EXTL3: variants seen among roughly 807,000 people sequenced by gnomAD.
The protein encoded by EXTL3 is exostosin-like 3.
Under a neutral mutation model 69.3 loss-of-function variants are expected in EXTL3, and 27 were observed. The ratio of observed to expected loss-of-function variants is 0.39; its 90% confidence interval spans 0.29 to 0.54. The LOEUF is 0.54. Ranked by LOEUF, EXTL3 falls within the 20% of genes least tolerant of loss-of-function variation. The pLI, the probability that EXTL3 is intolerant of heterozygous loss-of-function variation, is 0.69. For missense variants in EXTL3, 1,003 were observed against 1,231.8 expected, an observed-to-expected ratio of 0.81 and a Z score of 2.78; for synonymous variants, 511 against 499.4, an observed-to-expected ratio of 1.02 and a Z score of -0.31.
intron 1 of EXTL3, among the ~76,000 whole-genome samples, chr8:28,704,867 A>C (rs1242395075): frequency 6.6e-6 from 1 of 152,088 alleles, no homozygotes; most frequent in Non-Finnish European, 1.5e-5. Flanking sequence ...ACTGGGTTTC[A>C]CCAAGTTGGC....
At chr8:28,639,216 G>A (rs567091226) in intron 1 of EXTL3, among the ~76,000 whole-genome samples, 16 of 152,184 alleles carry the variant, frequency 1.1e-4, no homozygotes, top group African/African-American at 3.4e-4. Flanking sequence ...GATTACAGGC[G>A]TGAGCCACCG....
intron 2 of EXTL3, among the ~76,000 whole-genome samples, chr8:28,608,107 C>G (rs1806222849): frequency 6.8e-6 from 1 of 146,098 alleles, no homozygotes; most frequent in Non-Finnish European, 1.5e-5. Context: ...GAGACACCAT[C>G]TCAAAAAAAA....
intron 5 of EXTL3, chr8:28,742,510 C>T (rs1206758630): frequency 5.7e-6 from 1 of 174,448 alleles, no homozygotes; most frequent in Non-Finnish European, 1.2e-5. Context: ...GGGACTAGCA[C>T]ATGGGGAAGA....
At chr8:28,679,050 A>G (rs1027951423) in intron 1 of EXTL3, among the ~76,000 whole-genome samples, 1 of 152,362 alleles carries the variant, frequency 6.6e-6, no homozygotes, top group South Asian at 2.1e-4. Flanking sequence ...TGCCTGCAGA[A>G]GGTTCTGTAA....
chr8:28,612,613 ATTCTT>A (rs1256468861), intron 2 of EXTL3, among the ~76,000 whole-genome samples: 5 of 152,202 alleles, frequency 3.3e-5, no homozygotes, highest in Non-Finnish European at 7.3e-5. Flanking sequence ...CCCAGGGTGA[ATTCTT>A]ATCATGAACA....
Position 28,716,988 on chromosome 8 carries a change from C to G in EXTL3, c.929C>G (p.Pro310Arg). ...QSTFYTVQYRPGFDLVVSPLV... is the reference protein window; with the variant it reads ...QSTFYTVQYRRGFDLVVSPLV... ...ACCTTCTACACTGTCCAGTACAGAC[C>G]TGGCTTTGACTTGGTCGTATCACCG... is the stretch of plus-strand genomic sequence containing the variant. Residue 310 changes from proline (P) to arginine (R), a missense_variant, in exon 3 of 7, where the codon CCT (proline) becomes CGT (arginine). This residue lies in a region of EXTL3 where 742 missense variants were observed against 815.4 expected (regional missense o/e 0.91). Transcript: ENST00000220562. The surrounding 1 kb of genome is among the most constrained non-coding windows in gnomAD (Gnocchi z 7.1). 1 of 1,614,226 alleles carries G rather than the reference C, an allele frequency of 6.2e-7. No individual in the cohort carries two copies. The highest frequency in any genetic ancestry group is 8.5e-7 in the Non-Finnish European group (1 of 1,180,034).
At chr8:28,701,458 C>G (rs1800789444), upstream of EXTL3, 1 of 151,944 alleles carries the variant, frequency 6.6e-6, no homozygotes, top group Non-Finnish European at 1.5e-5. Context: ...CGCTCGCGAA[C>G]GCCGGCTTCG....
In EXTL3 at chr8:28,749,231, A is replaced by G. The variant is rs181858185; in HGVS notation, c.2551-1426A>G. ...TATAGTTCTCCAAGGATTTCAAATA[A>G]TAAAGCCATTAGATAGACTATAAAA... is the stretch of plus-strand genomic sequence containing the variant. On this transcript the variant is annotated intron_variant, in intron 6 of 6. Coordinates refer to ENST00000220562, the MANE Select transcript of EXTL3 (RefSeq NM_001440.4). 9.5e-4 allele frequency among the ~76,000 whole-genome samples: 145 copies of G among 152,330 alleles called. 2 individuals carry two copies. Among genetic ancestry groups the G allele is most frequent in the Admixed American group, 9.4e-3 (144 of 15,302 alleles).
intron 5 of EXTL3, among the ~76,000 whole-genome samples, chr8:28,737,973 C>A (rs1261893726): frequency 6.6e-6 from 1 of 152,144 alleles, no homozygotes; most frequent in African/African-American, 2.4e-5. Flanking sequence ...AAATACCTTC[C>A]AGTTTTAACA....
chr8:28,732,923 G>T (rs761791286), intron 4 of EXTL3, among the ~76,000 whole-genome samples: 2 of 152,082 alleles, frequency 1.3e-5, no homozygotes, highest in Non-Finnish European at 2.9e-5. Flanking sequence ...GTAGAGATGG[G>T]GTTTCACCAT....
chr8:28,614,028 C>T (rs1806301775), intron 2 of EXTL3, among the ~76,000 whole-genome samples: 1 of 151,512 alleles, frequency 6.6e-6, no homozygotes, highest in East Asian at 1.9e-4. Context: ...TCTCATGAAA[C>T]GTCATGAGCC....
At chr8:28,659,906 GT>G (rs1232375211) in intron 1 of EXTL3, among the ~76,000 whole-genome samples, 1 of 152,120 alleles carries the variant, frequency 6.6e-6, no homozygotes, top group Non-Finnish European at 1.5e-5. Context: ...GGGTCCAGGG[GT>G]TTTCACACTC....
At chr8:28,703,249 C>T (rs1800849919) in intron 1 of EXTL3, among the ~76,000 whole-genome samples, 1 of 152,116 alleles carries the variant, frequency 6.6e-6, no homozygotes, top group Admixed American at 6.5e-5. Context: ...GCATACCTAC[C>T]TAAAAAATGA....
At chr8:28,672,423 G>C (rs896185858) in intron 1 of EXTL3, among the ~76,000 whole-genome samples, 10 of 141,964 alleles carry the variant, frequency 7.0e-5, no homozygotes, top group South Asian at 2.6e-4. Context: ...TTCTCGGGGT[G>C]GGGGGGCGGG....
intron 3 of EXTL3, among the ~76,000 whole-genome samples, chr8:28,721,310 G>A (rs774457570): frequency 6.6e-6 from 1 of 152,216 alleles, no homozygotes; most frequent in Non-Finnish European, 1.5e-5. Flanking sequence ...GTGGGCCAGA[G>A]ACAGAGCAGT....
At chr8:28,748,625 A>C (rs1236583230) in intron 6 of EXTL3, among the ~76,000 whole-genome samples, 1 of 152,172 alleles carries the variant, frequency 6.6e-6, no homozygotes, top group Non-Finnish European at 1.5e-5. Context: ...TTTATCACTC[A>C]TGTGAAGGAG....
intron 1 of EXTL3, among the ~76,000 whole-genome samples, chr8:28,654,155 G>A (rs1343392526): frequency 6.6e-6 from 1 of 152,230 alleles, no homozygotes; most frequent in Non-Finnish European, 1.5e-5. Context: ...TAGAATATAA[G>A]AGGGTCTTTC....
intron 1 of EXTL3, among the ~76,000 whole-genome samples, chr8:28,650,510 A>G (rs1806902283): frequency 6.6e-6 from 1 of 151,886 alleles, no homozygotes; most frequent in Admixed American, 6.6e-5. Flanking sequence ...GGTACGCGCC[A>G]CCATACCTGG....
In EXTL3 at chr8:28,701,526, G is replaced by A; in HGVS notation, c.-703G>A. On this transcript the variant is annotated 5_prime_UTR_variant, in exon 1 of 7. Coordinates refer to ENST00000220562, the MANE Select transcript of EXTL3 (RefSeq NM_001440.4). ...CCGCAGTCGCCTGTCGGAAATGGCT[G>A]CCGGCCGGCAGGGGGAGCGGCGGAT... 1 of 152,756 alleles carries A rather than the reference G, an allele frequency of 6.5e-6. No homozygotes were observed. The highest frequency in any genetic ancestry group is 1.8e-4 in the South Asian group (1 of 5,652). The allele number at this position is 152,756 out of a possible 1,614,324, so 9.5% of individuals were successfully genotyped here.
Sources: gnomAD v4.1 joint callset for allele counts (sites outside exome capture counted in the v4.1 genomes callset) on GRCh38, gnomAD v4.1.1 for gene constraint, gnomAD v4.1.1 regional missense constraint, Gnocchi (gnomAD v3.1) non-coding constraint, MANE v1.5 for transcripts, NCBI Gene and HGNC (gene_info 2026-07-23, HGNC 2026-07-21) for gene names.